The following PLXNB2 variants were observed in gnomAD, a reference collection of about 807,000 sequenced individuals.
PLXNB2 encodes the protein plexin B2.
In PLXNB2, 85 loss-of-function variants were observed where a neutral mutation model predicts 202.6. The observed-to-expected ratio is 0.42, with a 90% CI of 0.35 to 0.50. The LOEUF is 0.50. Ranked by LOEUF, PLXNB2 falls within the 20% of genes least tolerant of loss-of-function variation. The pLI, the probability that PLXNB2 is intolerant of heterozygous loss-of-function variation, is 0.02. For missense variants in PLXNB2, 2,063 were observed against 2,586.2 expected (o/e 0.80, Z 4.39); for synonymous variants, 1,239 against 1,137.6 (o/e 1.09, Z -1.79).
At chr22:50,279,842 C>A in intron 26 of PLXNB2, 66 bp from the exon 27 acceptor site, 1 of 1,586,018 alleles carries the variant, frequency 6.3e-7, no homozygotes, top group Non-Finnish European at 8.6e-7. Flanking sequence ...GCCCCCGGAG[C>A]CCTGGCCAGA....
intron 32 of PLXNB2, 37 bp from the exon 33 acceptor site, chr22:50,277,775 G>A (rs754887422): frequency 6.3e-6 from 10 of 1,588,214 alleles, no homozygotes; most frequent in Non-Finnish European, 7.7e-6. Flanking sequence ...GCCGGGGCTG[G>A]GCCGCGGGGT....
At chr22:50,295,566 T>C (rs1485893983) in intron 1 of PLXNB2, among the ~76,000 whole-genome samples, 1 of 152,178 alleles carries the variant, frequency 6.6e-6, no homozygotes, top group Non-Finnish European at 1.5e-5. Flanking sequence ...TGCTATTGTA[T>C]CTTCTAGTTC....
chr22:50,286,671 G>A (rs941916814), intron 8 of PLXNB2, among the ~76,000 whole-genome samples: 4 of 152,194 alleles, frequency 2.6e-5, no homozygotes, highest in African/African-American at 9.7e-5. Context: ...GTCACTGCGT[G>A]GCCCCACTGC....
In PLXNB2 at chr22:50,289,974, G is replaced by A; in HGVS notation, c.611C>T (p.Ala204Val). Residue 204 changes from alanine (A) to valine (V), a missense_variant, in exon 3 of 37, where the codon GCC becomes GTC. Around this residue, in one of 2 missense-constraint regions of PLXNB2, gnomAD observed 1,303 missense variants for 1,476.8 expected, o/e 0.88. Coordinates refer to ENST00000359337, the MANE Select transcript of PLXNB2 (RefSeq NM_012401.4). This position sits in a 1 kb window ranked among gnomAD's most constrained non-coding sequence, Gnocchi z 8.0. ...GGACAGGTAGCCGGCCTTGTAGGTG[G>A]CGTGGTCCGTGTAGGCTTCAAAGGC... ...REAFEAYTDHATYKAGYLSTN... is the reference protein window; with the variant it reads ...REAFEAYTDHVTYKAGYLSTN... 6.2e-7 allele frequency: 1 copy of A among 1,613,342 alleles called. No homozygotes were observed. The highest frequency in any genetic ancestry group is 8.5e-7 in the Non-Finnish European group (1 of 1,180,024).
In PLXNB2 at chr22:50,275,691, T is replaced by C. The variant is rs753085552; in HGVS notation, c.*13A>G. ...AGGTACCTATGTCCCAAGGCAGCAC[T>C]GGAGATTGTAGGTCAGAGGTCAGTG... On this transcript the variant is annotated 3_prime_UTR_variant, in exon 37 of 37. Transcript: ENST00000359337. 6 of 1,558,334 alleles carry C rather than the reference T, an allele frequency of 3.9e-6. No individual in the cohort carries two copies. The South Asian group carries it at 7.0e-5, about 18-fold the overall frequency.
At chr22:50,296,670 C>A (rs887525590) in intron 1 of PLXNB2, among the ~76,000 whole-genome samples, 4 of 151,218 alleles carry the variant, frequency 2.6e-5, no homozygotes, top group Admixed American at 2.6e-4. Context: ...CAAGATGTGA[C>A]TCTCCAGGCC....
At chr22:50,306,660 G>A (rs1030028128) in intron 1 of PLXNB2, among the ~76,000 whole-genome samples, 1 of 152,116 alleles carries the variant, frequency 6.6e-6, no homozygotes, top group Admixed American at 6.6e-5. Context: ...CCAGGCCGCC[G>A]GGATCTGCCG....
In PLXNB2 at chr22:50,278,647, C is replaced by T. The variant is rs1420796479; in HGVS notation, c.4596G>A (p.Thr1532=). The T allele has an allele frequency of 5.0e-6, 8 of 1,612,854 alleles. No homozygotes were observed. The highest frequency in any genetic ancestry group is 3.4e-6 in the Non-Finnish European group (4 of 1,179,886). The change falls in exon 29 of 37, where the codon ACG becomes ACA. Residue 1532 remains threonine (T), a synonymous_variant. Transcript: ENST00000359337. ...GCTTCCACCGGCCCTCCCGCTGTGACGTCAGGTCCAGGTCCGACAGGATCT... is the reference window on the plus strand; with the variant it reads ...GCTTCCACCGGCCCTCCCGCTGTGATGTCAGGTCCAGGTCCGACAGGATCT... ...TAQILSDLDL[T]SQREGRWKRV... is the part of the protein sequence containing the mutation.
intron 19 of PLXNB2, 42 bp downstream of exon 19, chr22:50,282,142 C>T (rs1273191885): frequency 3.1e-6 from 5 of 1,603,966 alleles, no homozygotes; most frequent in Non-Finnish European, 2.6e-6. Context: ...TGGGCACGAT[C>T]CCATGGGCCG....
Position 50,286,243 on chromosome 22 carries a change from T to A in PLXNB2, c.1807A>T (p.Ile603Phe). ...GGGTACTGGTAGGACGTGAGGAAGA[T>A]GTTGCCTCGTCTAAGGAGGAGCTGG... ...TIQLLLRRGNIFLTSYQYPFY... is the reference protein window; with the variant it reads ...TIQLLLRRGNFFLTSYQYPFY... The change falls in exon 9 of 37, where the codon ATC becomes TTC. Residue 603 changes from isoleucine to phenylalanine, a missense_variant. Physicochemically the swap from Ile to Phe is conservative, Grantham distance 21. Coordinates refer to ENST00000359337, the MANE Select transcript of PLXNB2 (RefSeq NM_012401.4). 1 of 1,613,200 alleles carries A rather than the reference T, an allele frequency of 6.2e-7. No homozygotes were observed. Among genetic ancestry groups the A allele is most frequent in the Non-Finnish European group, 8.5e-7 (1 of 1,179,864 alleles).
rs1183386920 is a variant in PLXNB2, at chr22:50,278,887, G to A, written c.4514C>T (p.Ser1505Phe). ...IDQVYRGQPC[S>F]CWPRPDSVVL... ...CACGCTGTCTGGCCTGGGCCAGCAGGAGCAGGGCTGCCCACGGTACACCTG... is the reference window on the plus strand; with the variant it reads ...CACGCTGTCTGGCCTGGGCCAGCAGAAGCAGGGCTGCCCACGGTACACCTG... The change falls in exon 28 of 37, where the codon TCC becomes TTC. Residue 1505 changes from serine to phenylalanine, a missense_variant. By Grantham distance (155) the Ser-to-Phe change is radical (BLOSUM62 -2). Coordinates refer to ENST00000359337, the MANE Select transcript of PLXNB2 (RefSeq NM_012401.4). 2 of 1,613,096 alleles carry A rather than the reference G, an allele frequency of 1.2e-6. No homozygotes were observed. The highest frequency in any genetic ancestry group is 1.7e-6 in the Non-Finnish European group (2 of 1,179,632).
At position 50,275,713 on chromosome 22, in the gene PLXNB2, A is replaced by C; in HGVS notation, c.5508T>G (p.Thr1836=). 6.2e-7 allele frequency: 1 copy of C among 1,601,662 alleles called. No individual in the cohort carries two copies. The highest frequency in any genetic ancestry group is 8.5e-7 in the Non-Finnish European group (1 of 1,172,156). Residue 1836 remains threonine, a synonymous_variant, in exon 37 of 37, where the codon ACT becomes ACG. Coordinates refer to ENST00000359337, the MANE Select transcript of PLXNB2 (RefSeq NM_012401.4). The part of the protein sequence containing the change: ...QIAAALENKV[T]DL ...CACTGGAGATTGTAGGTCAGAGGTC[A>C]GTGACCTTGTTCTCCAGTGCAGCGG...
intron 2 of PLXNB2, among the ~76,000 whole-genome samples, 199 bp from the exon 3 acceptor site, chr22:50,290,796 C>G (rs1179179282): frequency 6.6e-6 from 1 of 152,216 alleles, no homozygotes; most frequent in Non-Finnish European, 1.5e-5. Context: ...CTTCTCAGCC[C>G]TCCTCAAGTC....
chr22:50,287,087 C>A (rs56942534), intron 8 of PLXNB2, 24 bp downstream of exon 8: 1 of 1,480,948 alleles, frequency 6.8e-7, no homozygotes, highest in Non-Finnish European at 9.0e-7. Flanking sequence ...AAGGGCCACC[C>A]GGGGGCTCGG....
chr22:50,286,416 G>A (rs959022168), intron 8 of PLXNB2, 129 bp from the exon 9 acceptor site: 20 of 644,660 alleles, frequency 3.1e-5, no homozygotes, highest in Non-Finnish European at 4.6e-5. Flanking sequence ...CTGCCAGGAC[G>A]CCCCGCATTC....
Position 50,283,645 on chromosome 22 carries a change from G to A in PLXNB2, c.2527C>T (p.Arg843Trp). 2 of 1,613,044 alleles carry A rather than the reference G, an allele frequency of 1.2e-6. No homozygotes were observed. The highest frequency in any genetic ancestry group is 2.2e-5 in the East Asian group (1 of 44,854). ...CGTTCCGGCTGAAAGGAGCAGTTCC[G>A]GCCGGCCACAGAGATCCTCTGGATG... ...GDIQRISVAG[R>W]NCSFQPERYS... is the part of the protein sequence containing the mutation. Residue 843 changes from arginine to tryptophan, a missense_variant, in exon 15 of 37, where the codon CGG (arginine) becomes TGG (tryptophan). Physicochemically the swap from Arg to Trp is moderately radical, Grantham distance 101 (BLOSUM62 -3). Around this residue, in one of 2 missense-constraint regions of PLXNB2, gnomAD observed 1,303 missense variants for 1,476.8 expected, o/e 0.88. Coordinates refer to ENST00000359337, the MANE Select transcript of PLXNB2 (RefSeq NM_012401.4).
chr22:50,283,868 T>C lies in PLXNB2; in HGVS notation c.2386A>G (p.Thr796Ala). Residue 796 changes from threonine (T) to alanine (A), a missense_variant, in exon 14 of 37, where the codon ACC becomes GCC. Coordinates refer to ENST00000359337, the MANE Select transcript of PLXNB2 (RefSeq NM_012401.4). ...ACGGGCGGCGGGCACTCGGAGGTGG[T>C]GTTGCACAGGGCCTCATACACGCAC... Reference protein sequence around the residue: ...SRCVYEALCNTTSECPPPVIT... With the variant: ...SRCVYEALCNATSECPPPVIT... 6.2e-7 allele frequency: 1 copy of C among 1,608,264 alleles called. No homozygotes were observed. The highest frequency in any genetic ancestry group is 8.5e-7 in the Non-Finnish European group (1 of 1,177,668).
At chr22:50,282,906 G>A (rs748566376) in intron 17 of PLXNB2, 25 bp from the exon 18 acceptor site, 10 of 1,588,328 alleles carry the variant, frequency 6.3e-6, no homozygotes, top group African/African-American at 1.3e-5. Context: ...GTGCTGGTCT[G>A]CATCAACCCC....
rs767059636 is a variant in PLXNB2 at position 50,289,547 on chromosome 22, G to A, written c.1038C>T (p.His346=). The A allele has an allele frequency of 3.5e-5, 56 of 1,611,810 alleles. No individual in the cohort carries two copies. Among genetic ancestry groups the A allele is most frequent in the Middle Eastern group, 3.3e-4 (2 of 6,058 alleles). Reference sequence around the variant, plus strand: ...CGTGGCCGCCGCACTGGATATCGCCGTGGAAGGGCTTGTAGAAGATGTCAC... The same window carrying A: ...CGTGGCCGCCGCACTGGATATCGCCATGGAAGGGCTTGTAGAAGATGTCAC... The part of the protein sequence containing the change: ...EARDIFYKPF[H]GDIQCGGHAP... Residue 346 remains histidine (H), a synonymous_variant, in exon 3 of 37, where the codon CAC becomes CAT. Coordinates refer to ENST00000359337, the MANE Select transcript of PLXNB2 (RefSeq NM_012401.4). The surrounding 1 kb of genome is among the most constrained non-coding windows in gnomAD (Gnocchi z 8.0).
Sources: gnomAD v4.1 joint callset for allele counts (sites outside exome capture counted in the v4.1 genomes callset) on GRCh38, gnomAD v4.1.1 for gene constraint, gnomAD v4.1.1 regional missense constraint, Gnocchi (gnomAD v3.1) non-coding constraint, MANE v1.5 for transcripts, NCBI Gene and HGNC (gene_info 2026-07-23, HGNC 2026-07-21) for gene names.